Variants in SLC25A16 observed in about 807,000 individuals in gnomAD.
SLC25A16 encodes the protein mitochondrial coenzyme A transporter SLC25A16.
In SLC25A16, 39 loss-of-function variants were observed where a neutral mutation model predicts 41.5. The observed-to-expected ratio is 0.94, with a 90% confidence interval of 0.73 to 1.23. The LOEUF (loss-of-function observed/expected upper bound fraction) is 1.23, where lower values mean the gene tolerates loss of function less well. Among genes scored for constraint, SLC25A16 ranks in the 50% most tolerant of loss-of-function variants. The pLI is 0.00. For missense variants in SLC25A16, 421 were observed against 426.9 expected, an observed-to-expected ratio of 0.99 and a Z score of 0.12; for synonymous variants, 146 against 147.8, an observed-to-expected ratio of 0.99 and a Z score of 0.09.
At chr10:68,488,172 A>G (rs2052596170) in intron 7 of SLC25A16, among the ~76,000 whole-genome samples, 1 of 151,926 alleles carries the variant, frequency 6.6e-6, no homozygotes, top group Admixed American at 6.6e-5. Context: ...TCTTAGGGGC[A>G]AGGTCTCACT....
At chr10:68,513,648 G>A (rs774814322) in intron 2 of SLC25A16, among the ~76,000 whole-genome samples, 4 of 151,998 alleles carry the variant, frequency 2.6e-5, no homozygotes, top group Non-Finnish European at 4.4e-5. Context: ...CCAGTACTTA[G>A]GAAGGACAAG....
intron 4 of SLC25A16, among the ~76,000 whole-genome samples, chr10:68,500,659 C>T (rs1046141487): frequency 6.6e-6 from 1 of 151,178 alleles, no homozygotes; most frequent in Non-Finnish European, 1.5e-5. Context: ...GGACAGGCAC[C>T]ATGGCTCACA....
At chr10:68,515,981 G>T (rs1025670371) in intron 2 of SLC25A16, among the ~76,000 whole-genome samples, 10 of 152,072 alleles carry the variant, frequency 6.6e-5, no homozygotes, top group Non-Finnish European at 1.0e-4. Flanking sequence ...TACTGCAAAT[G>T]AAAGGATTAT....
At chr10:68,486,240 A>AAAAAAAAAAC (rs1564908736) in intron 8 of SLC25A16, among the ~76,000 whole-genome samples, 2 of 146,840 alleles carry the variant, frequency 1.4e-5, no homozygotes, top group African/African-American at 5.3e-5. Context: ...ACAAAAAAAA[A>AAAAAAAAAAC]AAAAAAACAC....
chr10:68,527,310 C>A lies in SLC25A16; in HGVS notation c.66G>T (p.Ala22=). Residue 22 remains alanine, a synonymous_variant, in exon 1 of 9, where the codon GCG becomes GCT. Coordinates refer to ENST00000609923, the MANE Select transcript of SLC25A16 (RefSeq NM_152707.4). ...GGGTTGTGGGCCCTCCGGCCCCTGC[C>A]GCCTGCGGCATTGCGGGAGGGGGAT... ...AADPPPAMPQ[A]AGAGGPTTRR... 6.5e-7 allele frequency: 1 copy of A among 1,543,790 alleles called. No individual in the cohort carries two copies. The highest frequency in any genetic ancestry group is 8.7e-7 in the Non-Finnish European group (1 of 1,144,454).
chr10:68,512,638 C>CAAAAAA (rs1163431016), intron 2 of SLC25A16, among the ~76,000 whole-genome samples: 6 of 17,146 alleles, frequency 3.5e-4, no homozygotes, highest in Admixed American at 6.8e-4. Context: ...GACTCCGTCT[C>CAAAAAA]AAAAAAAAAA....
At chr10:68,501,401 G>A (rs1243331753) in intron 4 of SLC25A16, among the ~76,000 whole-genome samples, 1 of 151,888 alleles carries the variant, frequency 6.6e-6, no homozygotes, top group Admixed American at 6.6e-5. Context: ...TACATGTCAA[G>A]AGTTCTGTCA....
rs1162028665 is a variant in SLC25A16, at chr10:68,478,323, G to GT, written c.*5108dup. 1.3e-5 allele frequency: 2 copies of GT among 148,510 alleles called. No homozygotes were observed. Among genetic ancestry groups the GT allele is most frequent in the Non-Finnish European group, 2.9e-5 (2 of 67,860 alleles). 9.2% of individuals were successfully genotyped at this position (148,510 alleles called of 1,614,324 possible). Reference sequence around the variant, plus strand: ...CCACATAATTCTTCAGGAAATATATGTAATTGTTATTATTTATCACCAGTT... The same window carrying GT: ...CCACATAATTCTTCAGGAAATATATGTTAATTGTTATTATTTATCACCAGTT... On this transcript the variant is annotated 3_prime_UTR_variant, in exon 9 of 9. Transcript: ENST00000609923.
Position 68,478,411 on chromosome 10 carries a change from G to A in SLC25A16, c.*5021C>T. ...GAATAGATGCGAGGAACTATGTAAA[G>A]TGTATGCTTGCTATACAAGTGTGTC... On this transcript the variant is annotated 3_prime_UTR_variant, in exon 9 of 9. Transcript: ENST00000609923. The A allele has an allele frequency of 6.6e-6, 1 of 152,184 alleles. No homozygotes were observed. Among genetic ancestry groups the A allele is most frequent in the East Asian group, 1.9e-4 (1 of 5,198 alleles). The allele number at this position is 152,184 out of a possible 1,614,324, so 9.4% of individuals were successfully genotyped here.
chr10:68,503,832 A>G (rs1012833338), intron 3 of SLC25A16, 137 bp from the exon 4 acceptor site: 5 of 646,618 alleles, frequency 7.7e-6, no homozygotes, highest in Non-Finnish European at 1.4e-5. Context: ...CGAAATGAGC[A>G]CAATTAAATA....
At chr10:68,503,132 AAG>A (rs2052886289) in intron 4 of SLC25A16, 1 of 152,320 alleles carries the variant, frequency 6.6e-6, no homozygotes, top group African/African-American at 2.4e-5. Context: ...TTAAAGAAAA[AAG>A]AAATTTTGAA....
intron 3 of SLC25A16, among the ~76,000 whole-genome samples, chr10:68,505,556 CT>C (rs745895693): frequency 1.9e-4 from 26 of 139,760 alleles, no homozygotes; most frequent in Non-Finnish European, 3.8e-4. Context: ...GGCAGATCAC[CT>C]GAATCAGGAG....
intron 1 of SLC25A16, chr10:68,517,643 G>A (rs576176703): frequency 6.6e-6 from 1 of 151,988 alleles, no homozygotes; most frequent in Non-Finnish European, 1.5e-5. Flanking sequence ...ACCAGCCTGG[G>A]AAACACAGTG....
intron 1 of SLC25A16, among the ~76,000 whole-genome samples, chr10:68,524,021 GTCAAAAGA>G (rs2053291194): frequency 6.8e-6 from 1 of 146,102 alleles, no homozygotes; most frequent in Admixed American, 7.0e-5. Context: ...GGATCACAAG[GTCAAAAGA>G]TCAAGACCAG....
intron 4 of SLC25A16, among the ~76,000 whole-genome samples, chr10:68,497,546 T>C (rs371081366): frequency 6.6e-6 from 1 of 151,990 alleles, no homozygotes; most frequent in Non-Finnish European, 1.5e-5. Flanking sequence ...TGAGCCACAA[T>C]AGAAACCATT....
rs2052465835 is a variant in SLC25A16 at position 68,479,840 on chromosome 10, GAA to G, written c.*3590_*3591del. On this transcript the variant is annotated 3_prime_UTR_variant, in exon 9 of 9. Coordinates refer to ENST00000609923, the MANE Select transcript of SLC25A16 (RefSeq NM_152707.4). ...CTCAAAAAAAAAAAAAAAAAAGAAA[GAA>G]AAGAAAGAAAAATACAAAACTCAGC... is the stretch of plus-strand genomic sequence containing the variant. 7.1e-6 allele frequency: 1 copy of G among 139,904 alleles called. No individual in the cohort carries two copies. Among genetic ancestry groups the G allele is most frequent in the African/African-American group, 2.7e-5 (1 of 36,890 alleles). The allele number at this position is 139,904 out of a possible 1,614,324, so 8.7% of individuals were successfully genotyped here.
At chr10:68,510,434 C>T (rs1238405954) in intron 2 of SLC25A16, among the ~76,000 whole-genome samples, 6 of 151,186 alleles carry the variant, frequency 4.0e-5, no homozygotes, top group Non-Finnish European at 7.4e-5. Context: ...CCCAGCTACT[C>T]GGGAGGCTGA....
chr10:68,505,372 GGGAGGGAA>G (rs766774472), intron 3 of SLC25A16, among the ~76,000 whole-genome samples: 63 of 151,748 alleles, frequency 4.2e-4, no homozygotes, highest in Non-Finnish European at 8.2e-4. Context: ...AAAGAAAAGA[GGGAGGGAA>G]GGAGGGAAGG....
chr10:68,483,813 C>A (rs2052516610), intron 8 of SLC25A16, among the ~76,000 whole-genome samples: 1 of 152,054 alleles, frequency 6.6e-6, no homozygotes, highest in African/African-American at 2.4e-5. Flanking sequence ...CAGGCACGCG[C>A]CACCATGCCC....
Sources: allele counts gnomAD v4.1 joint callset (sites outside exome capture counted in the v4.1 genomes callset), GRCh38; gene constraint gnomAD v4.1.1; transcripts MANE v1.5; gene names NCBI Gene and HGNC (gene_info 2026-07-23, HGNC 2026-07-21).